Variants in RANBP2 observed in about 807,000 individuals in gnomAD.
RANBP2 encodes E3 SUMO-protein ligase RanBP2.
Under a neutral mutation model 303.6 loss-of-function variants are expected in RANBP2, and 57 were observed. The ratio of observed to expected loss-of-function variants is 0.19; its 90% CI spans 0.15 to 0.23. RANBP2 has a LOEUF of 0.23. Ranked by LOEUF, RANBP2 falls within the 10% of genes least tolerant of loss-of-function variation. The pLI is 1.00. For missense variants in RANBP2, 3,138 were observed against 3,780.8 expected, an observed-to-expected ratio of 0.83 and a Z score of 4.46; for synonymous variants, 1,167 against 1,301.5, an observed-to-expected ratio of 0.90 and a Z score of 2.23.
chr2:109,620,780 C>T, the RANBP2 span, among the ~76,000 whole-genome samples: 1 of 152,124 alleles, frequency 6.6e-6, no homozygotes, highest in South Asian at 2.1e-4. Context: ...TTCTAATTGG[C>T]CTTAAATAGT....
At chr2:109,025,524 T>C in the RANBP2 span, among the ~76,000 whole-genome samples, 5 of 152,172 alleles carry the variant, frequency 3.3e-5, no homozygotes, top group African/African-American at 9.7e-5. Flanking sequence ...AACAAGGACA[T>C]AGGGCGGGTG....
At chr2:109,761,576 C>T in the RANBP2 span, among the ~76,000 whole-genome samples, 2 of 148,466 alleles carry the variant, frequency 1.3e-5, no homozygotes, top group Non-Finnish European at 3.0e-5. Context: ...CAGTTTAATT[C>T]CAGTTGCGGG....
the RANBP2 span, chr2:108,798,563 A>T: frequency 6.2e-6 from 10 of 1,610,282 alleles, no homozygotes; most frequent in African/African-American, 1.1e-4. Context: ...AGAGGTTCTT[A>T]CAAGATTTCA....
chr2:108,746,915 T>C (rs868527920), intron 8 of RANBP2, 117 bp downstream of exon 8: 106 of 1,024,834 alleles, frequency 1.0e-4, no homozygotes, highest in South Asian at 3.5e-4. Context: ...TATTTCTTTT[T>C]GCCGTATCAG....
the RANBP2 span, among the ~76,000 whole-genome samples, chr2:109,052,351 C>T: frequency 2.8e-4 from 42 of 152,198 alleles, no homozygotes; most frequent in South Asian, 5.0e-3. Context: ...GAAAGGGGGG[C>T]GTATTGCAAC....
intron 11 of RANBP2, 31 bp from the exon 12 acceptor site, chr2:108,751,840 A>G (rs1439615159): frequency 6.2e-7 from 1 of 1,612,046 alleles, no homozygotes; most frequent in Admixed American, 1.7e-5. Context: ...GTATTTAGAA[A>G]GCAATTTTAG....
the RANBP2 span, among the ~76,000 whole-genome samples, chr2:108,938,631 C>T: frequency 6.6e-6 from 1 of 151,774 alleles, no homozygotes; most frequent in Non-Finnish European, 1.5e-5. Flanking sequence ...AGGATCTTGT[C>T]GAACTGACAA....
the RANBP2 span, among the ~76,000 whole-genome samples, chr2:108,822,599 C>G: frequency 6.6e-6 from 1 of 152,144 alleles, no homozygotes; most frequent in African/African-American, 2.4e-5. Context: ...GACATCATTA[C>G]AAAATTTCTG....
At chr2:109,464,975 A>C in the RANBP2 span, among the ~76,000 whole-genome samples, 1 of 152,112 alleles carries the variant, frequency 6.6e-6, no homozygotes, top group East Asian at 1.9e-4. Flanking sequence ...CCTGTTGATC[A>C]CTCTTTCACA....
At chr2:109,517,687 G>T in the RANBP2 span, among the ~76,000 whole-genome samples, 1 of 152,190 alleles carries the variant, frequency 6.6e-6, no homozygotes, top group Non-Finnish European at 1.5e-5. Context: ...GCTCCGTCCT[G>T]GGCTGGGTTC....
At chr2:108,837,857 T>C in the RANBP2 span, among the ~76,000 whole-genome samples, 1 of 152,210 alleles carries the variant, frequency 6.6e-6, no homozygotes, top group Non-Finnish European at 1.5e-5. Flanking sequence ...ATATGGCTAG[T>C]AAATTTTATT....
chr2:108,856,408 A>G, the RANBP2 span, among the ~76,000 whole-genome samples: 1 of 152,242 alleles, frequency 6.6e-6, no homozygotes, highest in Non-Finnish European at 1.5e-5. Flanking sequence ...AAGCAGCAAC[A>G]AAACATAATC....
At position 108,766,535 on chromosome 2, in the gene RANBP2, A is replaced by G. The variant is rs749247854; in HGVS notation, c.5996A>G (p.Asp1999Gly). The G allele has an allele frequency of 2.5e-6, 4 of 1,611,970 alleles. No individual in the cohort carries two copies. The highest frequency in any genetic ancestry group is 2.2e-5 in the East Asian group (1 of 44,876). Residue 1999 changes from aspartate to glycine, a missense_variant, in exon 20 of 29, where the codon GAT (aspartate) becomes GGT (glycine). Asp to Gly is a moderately conservative substitution (Grantham distance 94). This residue lies in a region of RANBP2 where 348 missense variants were observed against 360.4 expected (regional missense o/e 0.97). Coordinates refer to ENST00000283195, the MANE Select transcript of RANBP2 (RefSeq NM_006267.5). ...KANTSGDFEK[D>G]DDAYKTEDSD... ...AACACTTCCGGTGACTTTGAGAAAGATGATGATGCCTATAAGACTGAGGAC... is the reference window on the plus strand; with the variant it reads ...AACACTTCCGGTGACTTTGAGAAAGGTGATGATGCCTATAAGACTGAGGAC...
the RANBP2 span, among the ~76,000 whole-genome samples, chr2:109,203,882 G>A: frequency 4.6e-5 from 7 of 152,302 alleles, no homozygotes; most frequent in African/African-American, 1.2e-4. Context: ...TGTTCCCTGT[G>A]CGGCCTGGCA....
chr2:108,854,092 T>TTA, the RANBP2 span, among the ~76,000 whole-genome samples: 1 of 133,644 alleles, frequency 7.5e-6, no homozygotes, highest in African/African-American at 2.8e-5. Context: ...TAAATTTATA[T>TTA]TATATATATA....
the RANBP2 span, among the ~76,000 whole-genome samples, chr2:109,425,702 A>AAG: frequency 6.6e-6 from 1 of 151,498 alleles, no homozygotes; most frequent in African/African-American, 2.4e-5. Flanking sequence ...TGCTCAGAAA[A>AAG]AAAAGATTCC....
the RANBP2 span, among the ~76,000 whole-genome samples, chr2:108,968,688 C>T: frequency 4.7e-4 from 71 of 152,302 alleles, 1 homozygote; most frequent in Middle Eastern, 3.4e-3. Flanking sequence ...ACAGAATTTG[C>T]CCCCTTTACT....
chr2:109,029,334 T>C, the RANBP2 span, among the ~76,000 whole-genome samples: 2 of 151,988 alleles, frequency 1.3e-5, no homozygotes, highest in East Asian at 1.9e-4. Context: ...TCCATAAAGC[T>C]AGTAAAGCAT....
the RANBP2 span, chr2:109,737,237 G>A: frequency 3.6e-6 from 3 of 822,240 alleles, no homozygotes; most frequent in East Asian, 5.1e-5. Context: ...CAATCACGAA[G>A]ATTATTCTTC....
Sources: allele counts gnomAD v4.1 joint callset (sites outside exome capture counted in the v4.1 genomes callset), GRCh38; gene constraint gnomAD v4.1.1; regional missense constraint gnomAD v4.1.1; transcripts MANE v1.5; gene names NCBI Gene and HGNC (gene_info 2026-07-23, HGNC 2026-07-21).